The following CELF2 variants were observed in gnomAD, a reference collection of about 807,000 sequenced individuals.
CELF2 encodes the protein CUGBP Elav-like family member 2.
In CELF2, 8 loss-of-function variants were observed where a neutral mutation model predicts 62.6. The ratio of observed to expected loss-of-function variants is 0.13; its 90% CI spans 0.07 to 0.23. The LOEUF (loss-of-function observed/expected upper bound fraction) is 0.23, where lower values mean the gene tolerates loss of function less well. Among genes scored for constraint, CELF2 ranks in the 10% least tolerant of loss-of-function variants. The probability of loss-of-function intolerance (pLI) is 1.00; values close to 1 mark genes in which losing one functional copy is unlikely to be tolerated. For synonymous variants in CELF2, 258 were observed against 250.0 expected, an observed-to-expected ratio of 1.03 and a Z score of -0.30; for missense variants, 333 against 671.0, an observed-to-expected ratio of 0.50 and a Z score of 5.56.
At chr10:11,009,360 T>C (rs889033615) in intron 1 of CELF2, among the ~76,000 whole-genome samples, 4 of 152,082 alleles carry the variant, frequency 2.6e-5, no homozygotes, top group East Asian at 1.9e-4. Context: ...AGTGTGTGTG[T>C]GTGCGTGCGC....
chr10:10,681,778 A>G, the CELF2 span, among the ~76,000 whole-genome samples: 183 of 152,304 alleles, frequency 1.2e-3, 1 homozygote, highest in African/African-American at 4.3e-3. Context: ...TTATAATAGC[A>G]TATTCCTCCC....
the CELF2 span, among the ~76,000 whole-genome samples, chr10:10,541,519 G>T: frequency 1.3e-5 from 2 of 151,998 alleles, no homozygotes; most frequent in East Asian, 1.9e-4. Flanking sequence ...GCTAAACAAA[G>T]GGTGGGTTAT....
the CELF2 span, among the ~76,000 whole-genome samples, chr10:10,553,644 G>A: frequency 1.3e-5 from 2 of 152,194 alleles, no homozygotes; most frequent in Non-Finnish European, 1.5e-5. Context: ...GGGTGACCTA[G>A]TCAGGGAAGT....
chr10:11,094,338 T>C (rs2049171223), intron 1 of CELF2, among the ~76,000 whole-genome samples: 1 of 152,224 alleles, frequency 6.6e-6, no homozygotes, highest in African/African-American at 2.4e-5. Flanking sequence ...TTGTCCAAAT[T>C]AGCCGTGGTT....
chr10:10,893,338 TG>T (rs2062288711), intron 1 of CELF2, among the ~76,000 whole-genome samples: 1 of 152,188 alleles, frequency 6.6e-6, no homozygotes, highest in African/African-American at 2.4e-5. Flanking sequence ...CCATGATACA[TG>T]AGGCTTCCAA....
the CELF2 span, among the ~76,000 whole-genome samples, chr10:10,499,739 G>A: frequency 2.4e-4 from 37 of 152,254 alleles, no homozygotes; most frequent in Middle Eastern, 3.4e-3. Flanking sequence ...TTAGCCGGGC[G>A]TGGTGGCATG....
the CELF2 span, among the ~76,000 whole-genome samples, chr10:10,497,967 T>C: frequency 6.6e-6 from 1 of 152,094 alleles, no homozygotes; most frequent in Admixed American, 6.5e-5. Flanking sequence ...AAGGAGACTA[T>C]TGTAGTAATT....
chr10:10,518,129 C>A, the CELF2 span, among the ~76,000 whole-genome samples: 1 of 152,172 alleles, frequency 6.6e-6, no homozygotes, highest in Non-Finnish European at 1.5e-5. Context: ...ACAATAACAC[C>A]CAGCCCAGCT....
At chr10:10,541,842 G>C in the CELF2 span, among the ~76,000 whole-genome samples, 1 of 152,110 alleles carries the variant, frequency 6.6e-6, no homozygotes, top group Non-Finnish European at 1.5e-5. Context: ...TACTTAGAAT[G>C]CCTAACCTCC....
rs1554884926 is a variant in CELF2 at position 10,927,351 on chromosome 10, A to AAAAAAAAAAAC, written c.89+7362_89+7363insCAAAAAAAAAA. ...AAAGGAGAACCTAGTGACATTAAAA[A>AAAAAAAAAAAC]AAAAAAAAAAAAAAACACCTTTTTC... On this transcript the variant is annotated intron_variant, in intron 2 of 13. Coordinates refer to the CELF2 transcript ENST00000636488. 3.7e-4 allele frequency: 51 copies of AAAAAAAAAAAC among 137,692 alleles called. 1 individual carries two copies. Among genetic ancestry groups the AAAAAAAAAAAC allele is most frequent in the African/African-American group, 1.3e-3 (48 of 35,860 alleles). 8.5% of individuals were successfully genotyped at this position (137,692 alleles called of 1,614,324 possible). A position where few individuals can be genotyped will look rare whatever the true frequency, so the allele number is the denominator to read the frequency against.
chr10:10,615,862 AT>A, the CELF2 span, among the ~76,000 whole-genome samples: 1 of 152,152 alleles, frequency 6.6e-6, no homozygotes, highest in African/African-American at 2.4e-5. Context: ...AGTCCGAAGT[AT>A]GTATTTATAG....
rs955032529 is a variant in CELF2 at position 10,928,590 on chromosome 10, C to T, written c.89+8591C>T. 6.6e-6 allele frequency among the ~76,000 whole-genome samples: 1 copy of T among 152,144 alleles called. No homozygotes were observed. Among genetic ancestry groups the T allele is most frequent in the South Asian group, 2.1e-4 (1 of 4,828 alleles). Reference sequence around the variant, plus strand: ...CACAGTTGAGTAGCTGTGGCAGAGACGGTATAGCCCCCAAACTGAAAATAT... The same window carrying T: ...CACAGTTGAGTAGCTGTGGCAGAGATGGTATAGCCCCCAAACTGAAAATAT... On this transcript the variant is annotated intron_variant, in intron 2 of 13. Transcript: ENST00000636488. The surrounding 1 kb of genome is among the most constrained non-coding windows in gnomAD (Gnocchi z 4.8).
At chr10:10,652,538 A>G in the CELF2 span, among the ~76,000 whole-genome samples, 1 of 143,506 alleles carries the variant, frequency 7.0e-6, no homozygotes, top group South Asian at 2.4e-4. Context: ...CAGAAACCCT[A>G]CAAGCCAGAA....
chr10:10,965,640 A>T (rs2050046024), intron 2 of CELF2, among the ~76,000 whole-genome samples: 1 of 152,200 alleles, frequency 6.6e-6, no homozygotes, highest in Admixed American at 6.5e-5. Flanking sequence ...ATTTGATGAT[A>T]TTTAAGATTT....
chr10:10,914,313 G>A (rs1221444608), intron 1 of CELF2, among the ~76,000 whole-genome samples: 1 of 152,136 alleles, frequency 6.6e-6, no homozygotes. Context: ...GAAATAGATG[G>A]TGTGCTCTTG....
chr10:11,320,394 G>A (rs2095364540), intron 10 of CELF2, among the ~76,000 whole-genome samples: 1 of 152,188 alleles, frequency 6.6e-6, no homozygotes, highest in South Asian at 2.1e-4. Context: ...TTCAGTGGCC[G>A]AAACCCCAGT....
the CELF2 span, among the ~76,000 whole-genome samples, chr10:10,463,747 TTC>T: frequency 6.6e-6 from 1 of 152,144 alleles, no homozygotes; most frequent in African/African-American, 2.4e-5. Context: ...GAACTACAAT[TTC>T]TCTGTTTGTT....
chr10:10,873,084 A>G (rs1471625722), intron 1 of CELF2, among the ~76,000 whole-genome samples: 1 of 152,084 alleles, frequency 6.6e-6, no homozygotes, highest in South Asian at 2.1e-4. Context: ...ATGTACACAC[A>G]TATATTGTAC....
At chr10:10,706,556 G>C in the CELF2 span, among the ~76,000 whole-genome samples, 4 of 152,152 alleles carry the variant, frequency 2.6e-5, no homozygotes, top group African/African-American at 9.7e-5. Flanking sequence ...GGGAAGAAAA[G>C]AGGCAAAAAG....
Sources: gnomAD v4.1 joint callset for allele counts (sites outside exome capture counted in the v4.1 genomes callset) on GRCh38, gnomAD v4.1.1 for gene constraint, Gnocchi (gnomAD v3.1) non-coding constraint, MANE v1.5 for transcripts, NCBI Gene and HGNC (gene_info 2026-07-23, HGNC 2026-07-21) for gene names.